SI: variants seen among roughly 807,000 people sequenced by gnomAD.
SI encodes the protein sucrase-isomaltase, intestinal.
SI carries 235 observed loss-of-function variants against 253.3 expected under a neutral mutation model. That is an observed-to-expected ratio of 0.93 (90% CI 0.83 to 1.03). The LOEUF (loss-of-function observed/expected upper bound fraction) is 1.03. SI is among the 50% of genes least tolerant of loss of function. The pLI is 0.00. For missense variants in SI, 2,442 were observed against 2,211.1 expected, an observed-to-expected ratio of 1.10 and a Z score of -2.09; for synonymous variants, 819 against 712.0, an observed-to-expected ratio of 1.15 and a Z score of -2.39.
intron 25 of SI, among the ~76,000 whole-genome samples, chr3:165,028,402 A>G (rs1233654732): frequency 1.3e-5 from 2 of 151,266 alleles, no homozygotes; most frequent in Non-Finnish European, 3.0e-5. Flanking sequence ...CCTCATCAAA[A>G]CACCATCATT....
intron 22 of SI, among the ~76,000 whole-genome samples, chr3:165,035,176 T>C (rs1270795191): frequency 6.6e-6 from 1 of 151,922 alleles, no homozygotes. Context: ...GACAAACAAA[T>C]AGAGAAGTAC....
At chr3:164,992,442 T>C (rs1448225490) in intron 41 of SI, 45 bp from the exon 42 acceptor site, 5 of 1,232,144 alleles carry the variant, frequency 4.1e-6, no homozygotes, top group South Asian at 1.3e-5. Flanking sequence ...CAAATAACTT[T>C]CTTCTGAATA....
chr3:165,037,027 C>T (rs1712571528), intron 21 of SI, among the ~76,000 whole-genome samples: 1 of 151,206 alleles, frequency 6.6e-6, no homozygotes, highest in Non-Finnish European at 1.5e-5. Context: ...GGATGTATTC[C>T]TTCCAGTATG....
chr3:165,012,663 C>T (rs1450494856), intron 34 of SI, among the ~76,000 whole-genome samples: 1 of 152,008 alleles, frequency 6.6e-6, no homozygotes, highest in Non-Finnish European at 1.5e-5. Flanking sequence ...ATCTCCTGAC[C>T]TCGTGATCCA....
chr3:165,047,930 T>C (rs1315034963), intron 15 of SI, among the ~76,000 whole-genome samples: 1 of 152,094 alleles, frequency 6.6e-6, no homozygotes, highest in Non-Finnish European at 1.5e-5. Flanking sequence ...AACATTTTCA[T>C]AATTGGAAAC....
At chr3:164,983,890 G>A (rs1301490463) in intron 45 of SI, among the ~76,000 whole-genome samples, 1 of 152,006 alleles carries the variant, frequency 6.6e-6, no homozygotes, top group Non-Finnish European at 1.5e-5. Flanking sequence ...ACCACCATCA[G>A]TTTAAAGTAT....
chr3:165,056,803 A>G (rs865900067), intron 12 of SI, among the ~76,000 whole-genome samples: 9 of 152,118 alleles, frequency 5.9e-5, no homozygotes, highest in African/African-American at 2.2e-4. Flanking sequence ...AGCTGCAGTT[A>G]ACAAAGACTT....
intron 45 of SI, 119 bp downstream of exon 45, chr3:164,987,019 A>T: frequency 2.5e-6 from 2 of 803,546 alleles, no homozygotes; most frequent in Non-Finnish European, 4.2e-6. Context: ...AAAATCTTTT[A>T]GCCTTGAATA....
chr3:165,081,413 G>T (rs370553496), upstream of SI, among the ~76,000 whole-genome samples: 1 of 151,858 alleles, frequency 6.6e-6, no homozygotes, highest in Admixed American at 6.6e-5. Context: ...ACTCTCTTTA[G>T]GGAGTATTAT....
chr3:164,986,379 G>A (rs771639363), intron 45 of SI, among the ~76,000 whole-genome samples: 2 of 152,048 alleles, frequency 1.3e-5, no homozygotes, highest in East Asian at 3.9e-4. Context: ...GTAACAGCTG[G>A]CCATGAAGAA....
rs1454852071 is a variant in SI, at chr3:165,032,688, G to A, written c.2570C>T (p.Thr857Ile). ...TGAATGTGTGCACACAATATCTAAT[G>A]TGTTCTGAGAAAAATAGTATAAGAT... ...ILYTFSVSNN[T>I]LDIVCTHSSY... The change falls in exon 24 of 48, where the codon ACA becomes ATA. Residue 857 changes from threonine to isoleucine, a missense_variant. Thr to Ile is a moderately conservative substitution (Grantham distance 89). Coordinates refer to ENST00000264382, the MANE Select transcript of SI (RefSeq NM_001041.4). 6.3e-6 allele frequency: 10 copies of A among 1,589,204 alleles called. No individual in the cohort carries two copies. The South Asian group carries it at 6.6e-5, about 11-fold the overall frequency.
rs910148262 is a variant in SI, at chr3:165,074,400, T to A, written c.255+131A>T. The stretch of plus-strand genomic sequence containing the variant: ...ATCTATCATTTTTAATAGGAAGCTA[T>A]AATAAAATGATAAATTCAGCCTAAT... On this transcript the variant is annotated intron_variant, in intron 3 of 47. Coordinates refer to ENST00000264382, the MANE Select transcript of SI (RefSeq NM_001041.4). 6 of 515,216 alleles carry A rather than the reference T, an allele frequency of 1.2e-5. No individual in the cohort carries two copies. The East Asian group carries it at 2.1e-4, about 18-fold the overall frequency. The allele number at this position is 515,216 out of a possible 1,614,324, so 31.9% of individuals were successfully genotyped here.
chr3:164,989,399 A>AGAAG (rs1717611865), intron 44 of SI, among the ~76,000 whole-genome samples: 3 of 148,456 alleles, frequency 2.0e-5, no homozygotes, highest in African/African-American at 7.4e-5. Flanking sequence ...GAAGAAAGAA[A>AGAAG]GAAAGAAAGA....
At chr3:165,039,290 G>T (rs916141073) in intron 19 of SI, among the ~76,000 whole-genome samples, 156 bp from the exon 20 acceptor site, 2 of 151,844 alleles carry the variant, frequency 1.3e-5, no homozygotes, top group African/African-American at 4.8e-5. Context: ...TATTTTATTA[G>T]CTTTAGATAA....
chr3:165,003,933 G>A (rs1284288052), intron 37 of SI, among the ~76,000 whole-genome samples: 1 of 151,994 alleles, frequency 6.6e-6, no homozygotes, highest in South Asian at 2.1e-4. Context: ...AATGGTGGGA[G>A]TAAGTCCTTA....
At chr3:165,024,559 T>C (rs1711801866) in intron 25 of SI, among the ~76,000 whole-genome samples, 1 of 151,200 alleles carries the variant, frequency 6.6e-6, no homozygotes, top group Non-Finnish European at 1.5e-5. Flanking sequence ...ACTCATCTTC[T>C]TAAGGGTGTA....
rs190346599 is a variant in SI at position 164,990,517 on chromosome 3, G to A, written c.5108+836C>T. Among the ~76,000 whole-genome samples the A allele has an allele frequency of 2.0e-5, 3 of 152,228 alleles. No homozygotes were observed. The East Asian group carries it at 5.8e-4, about 29-fold the overall frequency. On this transcript the variant is annotated intron_variant, in intron 44 of 47. Coordinates refer to ENST00000264382, the MANE Select transcript of SI (RefSeq NM_001041.4). ...GTCTCTTGCATTTTTATATGTCATA[G>A]GCAGAGGCATTGACAGCCTGTCTTC...
chr3:165,042,882 T>A (rs1279331826), intron 17 of SI, among the ~76,000 whole-genome samples, 177 bp downstream of exon 17: 7 of 152,160 alleles, frequency 4.6e-5, no homozygotes. Flanking sequence ...GACCGTTTTT[T>A]AAAAAATGTA....
At chr3:165,082,695 T>C (rs529327317), upstream of SI, among the ~76,000 whole-genome samples, 1 of 152,104 alleles carries the variant, frequency 6.6e-6, no homozygotes, top group Admixed American at 6.6e-5. Flanking sequence ...AATGCTTTCC[T>C]TGCCTTTGCT....
Sources: gnomAD v4.1 joint callset for allele counts (sites outside exome capture counted in the v4.1 genomes callset) on GRCh38, gnomAD v4.1.1 for gene constraint, MANE v1.5 for transcripts, NCBI Gene and HGNC (gene_info 2026-07-23, HGNC 2026-07-21) for gene names.